The following ADAMTS6 variants were observed in gnomAD, a reference collection of about 807,000 sequenced individuals.
ADAMTS6 encodes the protein A disintegrin and metalloproteinase with thrombospondin motifs 6.
A neutral mutation model predicts 144.3 loss-of-function variants in ADAMTS6; 23 were observed. That is an observed-to-expected ratio of 0.16 (90% CI 0.11 to 0.23). ADAMTS6 has a LOEUF of 0.23. ADAMTS6 is among the 10% of genes least tolerant of loss of function. The pLI is 1.00. For missense variants in ADAMTS6, 999 were observed against 1,379.6 expected (o/e 0.72, Z 4.37); for synonymous variants, 444 against 457.5 (o/e 0.97, Z 0.38).
chr5:65,428,560 A>C (rs1373195858), intron 7 of ADAMTS6, among the ~76,000 whole-genome samples: 1 of 152,244 alleles, frequency 6.6e-6, no homozygotes, highest in East Asian at 1.9e-4. Flanking sequence ...ACCTTCAAGA[A>C]GTACTTAACT....
chr5:65,214,992 T>G lies in ADAMTS6; in HGVS notation c.2437-60A>C, dbSNP rs146678197. The stretch of plus-strand genomic sequence containing the variant: ...ATACAATGAGCCTTCATTCAGATAT[T>G]TATTATTCCTTTTGAAGAAGAAAAT... On this transcript the variant is annotated intron_variant, in intron 19 of 24. Coordinates refer to ENST00000381055, the MANE Select transcript of ADAMTS6 (RefSeq NM_197941.4). This position sits in a 1 kb window ranked among gnomAD's most constrained non-coding sequence, Gnocchi z 4.6. 825 of 1,535,116 alleles carry G rather than the reference T, an allele frequency of 5.4e-4. 5 individuals are homozygous for G. The East Asian group carries it at 0.018, about 33-fold the overall frequency.
chr5:65,395,882 T>C (rs1305726829), intron 7 of ADAMTS6, among the ~76,000 whole-genome samples: 2 of 152,218 alleles, frequency 1.3e-5, no homozygotes, highest in Non-Finnish European at 2.9e-5. Context: ...GACTCAATCA[T>C]AACGGTGTAA....
intron 1 of ADAMTS6, among the ~76,000 whole-genome samples, chr5:65,475,042 G>C (rs1418487190): frequency 6.6e-6 from 1 of 151,830 alleles, no homozygotes; most frequent in East Asian, 1.9e-4. Context: ...AAAGAGATTA[G>C]AAAGATTTTC....
chr5:65,175,136 G>A (rs1753888696), intron 22 of ADAMTS6, among the ~76,000 whole-genome samples: 1 of 152,050 alleles, frequency 6.6e-6, no homozygotes, highest in African/African-American at 2.4e-5. Context: ...GTGGTTGAGA[G>A]AACAGCAGCA....
chr5:65,197,051 T>G lies in ADAMTS6; in HGVS notation c.2676A>C (p.Arg892Ser). 6.2e-7 allele frequency: 1 copy of G among 1,613,980 alleles called. No individual in the cohort carries two copies. The highest frequency in any genetic ancestry group is 8.5e-7 in the Non-Finnish European group (1 of 1,179,876). The part of the protein sequence containing the change: ...DPDSKPPENQ[R>S]ACNTEPCPPE... ...GTGGGCAGGGCTCAGTGTTGCAGGC[T>G]CTTTGATTTTCAGGTGGCTTACTGT... Residue 892 changes from arginine to serine, a missense_variant, in exon 21 of 25, where the codon AGA becomes AGC. Arg to Ser is a moderately radical substitution (Grantham distance 110, BLOSUM62 -1). Coordinates refer to ENST00000381055, the MANE Select transcript of ADAMTS6 (RefSeq NM_197941.4).
At chr5:65,268,822 A>G (rs184233894) in intron 12 of ADAMTS6, among the ~76,000 whole-genome samples, 13 of 152,338 alleles carry the variant, frequency 8.5e-5, no homozygotes, top group Admixed American at 3.9e-4. Context: ...CAGGGATCCC[A>G]TATCTTTTGC....
intron 7 of ADAMTS6, among the ~76,000 whole-genome samples, chr5:65,421,063 C>T (rs116440767): frequency 0.027 from 4,045 of 152,268 alleles, 191 homozygotes; most frequent in African/African-American, 0.093. Flanking sequence ...AGAACATTTA[C>T]ATTCAATGTT....
chr5:65,199,740 C>T (rs981415702), intron 20 of ADAMTS6, among the ~76,000 whole-genome samples: 1 of 152,134 alleles, frequency 6.6e-6, no homozygotes, highest in Non-Finnish European at 1.5e-5. Context: ...CTCATTCATT[C>T]ATTCATTCAA....
chr5:65,459,257 C>T (rs1488974643), intron 4 of ADAMTS6, among the ~76,000 whole-genome samples: 1 of 152,154 alleles, frequency 6.6e-6, no homozygotes, highest in African/African-American at 2.4e-5. Context: ...CTAATTCCAT[C>T]TCCATATTGC....
chr5:65,150,829 CT>C lies in ADAMTS6; in HGVS notation c.*1006del, dbSNP rs1401409807. Reference sequence around the variant, plus strand: ...CTGCCTGGTTACCGAGCCAGTCTATCTTTTGCATGGTATCATCTCAGTAAGC... The same window carrying C: ...CTGCCTGGTTACCGAGCCAGTCTATCTTTGCATGGTATCATCTCAGTAAGC... On this transcript the variant is annotated 3_prime_UTR_variant, in exon 25 of 25. Coordinates refer to ENST00000381055, the MANE Select transcript of ADAMTS6 (RefSeq NM_197941.4). The C allele has an allele frequency of 3.3e-5, 5 of 152,642 alleles. No individual in the cohort carries two copies. The highest frequency in any genetic ancestry group is 5.9e-5 in the Non-Finnish European group (4 of 68,040). 9.5% of individuals were successfully genotyped at this position (152,642 alleles called of 1,614,324 possible).
At chr5:65,399,819 G>T (rs1175698524) in intron 7 of ADAMTS6, among the ~76,000 whole-genome samples, 2 of 152,010 alleles carry the variant, frequency 1.3e-5, no homozygotes, top group Non-Finnish European at 2.9e-5. Flanking sequence ...TAGTAAAATT[G>T]AAGTTTTAAT....
Position 65,473,704 on chromosome 5 carries a change from G to T in ADAMTS6, c.-31C>A. Reference sequence around the variant, plus strand: ...AGAAAACTGGATGATTTTTTTGAGGGCTACCTATGTGCTAAAGAGTCAATA... The same window carrying T: ...AGAAAACTGGATGATTTTTTTGAGGTCTACCTATGTGCTAAAGAGTCAATA... On this transcript the variant is annotated 5_prime_UTR_variant, in exon 2 of 25. Coordinates refer to ENST00000381055, the MANE Select transcript of ADAMTS6 (RefSeq NM_197941.4). 1 of 1,532,738 alleles carries T rather than the reference G, an allele frequency of 6.5e-7. No homozygotes were observed. The highest frequency in any genetic ancestry group is 1.1e-5 in the South Asian group (1 of 89,424). 94.9% of individuals were successfully genotyped at this position (1,532,738 alleles called of 1,614,324 possible). A position where few individuals can be genotyped will look rare whatever the true frequency, so the allele number is the denominator to read the frequency against.
At chr5:65,434,327 T>C (rs977420304) in intron 7 of ADAMTS6, among the ~76,000 whole-genome samples, 2 of 152,132 alleles carry the variant, frequency 1.3e-5, no homozygotes, top group East Asian at 1.9e-4. Context: ...GTGGTGATGG[T>C]TGCGCAAGTC....
chr5:65,371,465 G>A (rs530551819), intron 7 of ADAMTS6, among the ~76,000 whole-genome samples: 330 of 152,206 alleles, frequency 2.2e-3, no homozygotes, highest in African/African-American at 7.4e-3. Flanking sequence ...CGAGAACTAC[G>A]TGAAGAATGC....
intron 7 of ADAMTS6, among the ~76,000 whole-genome samples, chr5:65,372,294 TA>T: frequency 6.6e-6 from 1 of 151,552 alleles, no homozygotes; most frequent in Non-Finnish European, 1.5e-5. Context: ...ATGCTCCAAT[TA>T]AAAGACACAG....
intron 7 of ADAMTS6, among the ~76,000 whole-genome samples, chr5:65,366,873 G>A (rs924931205): frequency 2.0e-5 from 3 of 152,114 alleles, no homozygotes; most frequent in Non-Finnish European, 4.4e-5. Flanking sequence ...TCAGGGAAAG[G>A]CCAAAAGAAA....
At chr5:65,324,428 C>T (rs2112897238) in intron 9 of ADAMTS6, among the ~76,000 whole-genome samples, 1 of 152,088 alleles carries the variant, frequency 6.6e-6, no homozygotes, top group East Asian at 1.9e-4. Context: ...TTAAGTTACA[C>T]TTCATCAAAA....
intron 18 of ADAMTS6, among the ~76,000 whole-genome samples, 183 bp from the exon 19 acceptor site, chr5:65,215,670 T>A (rs1028928137): frequency 6.6e-6 from 1 of 152,218 alleles, no homozygotes; most frequent in Non-Finnish European, 1.5e-5. Context: ...AAGATATTAC[T>A]TAAGTATTTA....
intron 6 of ADAMTS6, 56 bp from the exon 7 acceptor site, chr5:65,451,676 T>C (rs1323761163): frequency 1.9e-5 from 30 of 1,591,630 alleles, no homozygotes; most frequent in Non-Finnish European, 2.4e-5. Flanking sequence ...AGGTCAGTTG[T>C]TAAAACTTTT....
Sources: allele counts gnomAD v4.1 joint callset (sites outside exome capture counted in the v4.1 genomes callset), GRCh38; gene constraint gnomAD v4.1.1; non-coding constraint Gnocchi (gnomAD v3.1); transcripts MANE v1.5; gene names NCBI Gene and HGNC (gene_info 2026-07-23, HGNC 2026-07-21).